FAM171A1: variants seen among roughly 807,000 people sequenced by gnomAD.
FAM171A1 encodes family with sequence similarity 171 member A1.
FAM171A1 carries 23 observed loss-of-function variants against 74.9 expected under a neutral mutation model. The observed-to-expected ratio is 0.31, with a 90% CI of 0.22 to 0.44. FAM171A1 has a LOEUF of 0.44. FAM171A1 is among the 20% of genes least tolerant of loss of function. The probability of loss-of-function intolerance (pLI) is 1.00; values close to 1 mark genes in which losing one functional copy is unlikely to be tolerated. For synonymous variants in FAM171A1, 527 were observed against 505.7 expected, an observed-to-expected ratio of 1.04 and a Z score of -0.57; for missense variants, 1,162 against 1,159.2, an observed-to-expected ratio of 1.00 and a Z score of -0.03.
intron 4 of FAM171A1, among the ~76,000 whole-genome samples, chr10:15,250,464 C>G (rs1834493391): frequency 6.6e-6 from 1 of 152,208 alleles, no homozygotes; most frequent in South Asian, 2.1e-4. Context: ...ATGGAACTTA[C>G]AACTACAGAA....
At position 15,211,706 on chromosome 10, in the gene FAM171A1, A is replaced by G. The variant is rs1047185514; in HGVS notation, c.*1209T>C. On this transcript the variant is annotated 3_prime_UTR_variant, in exon 8 of 8. Coordinates refer to ENST00000378116, the MANE Select transcript of FAM171A1 (RefSeq NM_001010924.2). ...TTGGATAACCAAGCAGCTCTTTAAGAAGAATGCACAGAAGAGTCATTCTGG... is the reference window on the plus strand; with the variant it reads ...TTGGATAACCAAGCAGCTCTTTAAGGAGAATGCACAGAAGAGTCATTCTGG... 2.0e-5 allele frequency: 3 copies of G among 151,958 alleles called. No homozygotes were observed. Among genetic ancestry groups the G allele is most frequent in the Non-Finnish European group, 4.4e-5 (3 of 67,996 alleles). 9.4% of individuals were successfully genotyped at this position (151,958 alleles called of 1,614,324 possible). A position where few individuals can be genotyped will look rare whatever the true frequency, so the allele number is the denominator to read the frequency against.
chr10:15,246,804 G>A (rs900224189), intron 5 of FAM171A1, among the ~76,000 whole-genome samples: 2 of 152,134 alleles, frequency 1.3e-5, no homozygotes, highest in African/African-American at 4.8e-5. Context: ...TTATAGGTGT[G>A]AGCCACCGTG....
chr10:15,257,891 G>A (rs1274121927), intron 3 of FAM171A1, among the ~76,000 whole-genome samples: 1 of 152,082 alleles, frequency 6.6e-6, no homozygotes, highest in Non-Finnish European at 1.5e-5. Context: ...TACTAAAGCC[G>A]CTAAATAGTT....
intron 1 of FAM171A1, among the ~76,000 whole-genome samples, chr10:15,350,584 G>A (rs1352435944): frequency 1.3e-5 from 2 of 150,876 alleles, no homozygotes; most frequent in Non-Finnish European, 2.9e-5. Flanking sequence ...CTCATGATCC[G>A]CCTGCCTCAG....
intron 1 of FAM171A1, among the ~76,000 whole-genome samples, chr10:15,284,762 T>A (rs1835015485): frequency 6.6e-6 from 1 of 152,132 alleles, no homozygotes; most frequent in African/African-American, 2.4e-5. Context: ...AAGGGCACAG[T>A]GGGCCATGGT....
At chr10:15,366,345 T>A (rs1249628696) in intron 1 of FAM171A1, among the ~76,000 whole-genome samples, 1 of 152,114 alleles carries the variant, frequency 6.6e-6, no homozygotes, top group Non-Finnish European at 1.5e-5. Context: ...GTCTTGAACT[T>A]CTGACCTCAA....
intron 1 of FAM171A1, among the ~76,000 whole-genome samples, chr10:15,354,512 C>T (rs965635991): frequency 3.3e-5 from 5 of 151,788 alleles, no homozygotes; most frequent in East Asian, 1.9e-4. Flanking sequence ...AAGTGGTGGA[C>T]GGTGGAACTT....
chr10:15,256,434 A>G (rs1293895878), intron 3 of FAM171A1, among the ~76,000 whole-genome samples: 1 of 152,164 alleles, frequency 6.6e-6, no homozygotes, highest in Non-Finnish European at 1.5e-5. Context: ...AAAAACTAGC[A>G]GGTAGACTTC....
At chr10:15,276,132 C>T (rs1437698330) in intron 2 of FAM171A1, among the ~76,000 whole-genome samples, 185 bp from the exon 3 acceptor site, 3 of 152,070 alleles carry the variant, frequency 2.0e-5, no homozygotes, top group African/African-American at 7.2e-5. Flanking sequence ...TCTCATATAA[C>T]AATTACTTGC....
Position 15,213,454 on chromosome 10 carries a change from A to G in FAM171A1, c.2134T>C (p.Leu712=), listed in dbSNP as rs1219000118. The G allele has an allele frequency of 3.1e-6, 5 of 1,614,034 alleles. No homozygotes were observed. The East Asian group carries it at 6.7e-5, about 22-fold the overall frequency. Residue 712 remains leucine (L), a synonymous_variant, in exon 8 of 8, where the codon TTG becomes CTG. Transcript: ENST00000378116. The surrounding 1 kb of genome is among the most constrained non-coding windows in gnomAD (Gnocchi z 6.8). ...ACGTGAGCGTTGGACCTGCCATCCA[A>G]GGAGACGAACCACGCCCGGGGGTGC... ...LPHPRAWFVS[L]DGRSNAHVRH... is the part of the protein sequence containing the mutation.
At chr10:15,322,947 C>T (rs1483081656) in intron 1 of FAM171A1, among the ~76,000 whole-genome samples, 1 of 151,866 alleles carries the variant, frequency 6.6e-6, no homozygotes, top group Non-Finnish European at 1.5e-5. Flanking sequence ...CGAGACCAGC[C>T]TGGCCAACAT....
At chr10:15,354,347 T>C (rs1465754243) in intron 1 of FAM171A1, among the ~76,000 whole-genome samples, 6 of 151,970 alleles carry the variant, frequency 3.9e-5, no homozygotes, top group Non-Finnish European at 8.8e-5. Flanking sequence ...AATATAAAAA[T>C]TAGCCAAGTG....
intron 5 of FAM171A1, among the ~76,000 whole-genome samples, chr10:15,243,344 T>C (rs1834387134): frequency 6.6e-6 from 1 of 152,152 alleles, no homozygotes; most frequent in South Asian, 2.1e-4. Context: ...TCCAGATTCT[T>C]CATCACTTCC....
rs571678407 is a variant in FAM171A1 at position 15,293,255 on chromosome 10, C to T, written c.98-9150G>A. 2.4e-3 allele frequency among the ~76,000 whole-genome samples: 368 copies of T among 152,178 alleles called. 1 individual carries two copies. Among genetic ancestry groups the T allele is most frequent in the Middle Eastern group, 6.8e-3 (2 of 294 alleles). ...TCTTCTGATCCATGGCCTAAGTATT[C>T]CTGGTATTTTGTTGTTGTTCCATTT... On this transcript the variant is annotated intron_variant, in intron 1 of 7. Transcript: ENST00000378116.
chr10:15,262,247 G>A lies in FAM171A1; in HGVS notation c.419-7368C>T, dbSNP rs574760511. On this transcript the variant is annotated intron_variant, in intron 3 of 7. Transcript: ENST00000378116. ...GACAGCAGGTGGAGTATGGCCATGG[G>A]TGCAGAGTCTGATGTCAGAGCGATC... is the stretch of plus-strand genomic sequence containing the variant. Among the ~76,000 whole-genome samples the A allele has an allele frequency of 2.6e-5, 4 of 152,322 alleles. No homozygotes were observed. The South Asian group carries it at 8.3e-4, about 32-fold the overall frequency.
At chr10:15,349,773 T>C (rs758690743) in intron 1 of FAM171A1, among the ~76,000 whole-genome samples, 4 of 152,170 alleles carry the variant, frequency 2.6e-5, no homozygotes, top group Non-Finnish European at 5.9e-5. Flanking sequence ...TGGAACTTTC[T>C]GTACCCTTTT....
chr10:15,212,029 A>G lies in FAM171A1; in HGVS notation c.*886T>C, dbSNP rs1304936975. 3 of 152,672 alleles carry G rather than the reference A, an allele frequency of 2.0e-5. No homozygotes were observed. The highest frequency in any genetic ancestry group is 2.9e-5 in the Non-Finnish European group (2 of 68,054). The allele number at this position is 152,672 out of a possible 1,614,324, so 9.5% of individuals were successfully genotyped here. ...TGTTGAAACGAGGATGCTGACCCCA[A>G]ATGGCACTTGGCAGCATGCAGTTTA... On this transcript the variant is annotated 3_prime_UTR_variant, in exon 8 of 8. Transcript: ENST00000378116.
intron 3 of FAM171A1, among the ~76,000 whole-genome samples, chr10:15,263,953 A>G (rs1366124344): frequency 6.6e-6 from 1 of 151,534 alleles, no homozygotes; most frequent in Non-Finnish European, 1.5e-5. Flanking sequence ...CCATCCAACC[A>G]TCCATCTACC....
chr10:15,262,760 T>C (rs1834674781), intron 3 of FAM171A1, among the ~76,000 whole-genome samples: 2 of 152,084 alleles, frequency 1.3e-5, no homozygotes, highest in African/African-American at 4.8e-5. Context: ...CTAGAAGAGA[T>C]GAAAGGCTCA....
Sources: gnomAD v4.1 joint callset for allele counts (sites outside exome capture counted in the v4.1 genomes callset) on GRCh38, gnomAD v4.1.1 for gene constraint, Gnocchi (gnomAD v3.1) non-coding constraint, MANE v1.5 for transcripts, NCBI Gene and HGNC (gene_info 2026-07-23, HGNC 2026-07-21) for gene names.